GIPC2: variants seen among roughly 807,000 people sequenced by gnomAD.
GIPC2 encodes PDZ domain-containing protein GIPC2.
In GIPC2, 30 loss-of-function variants were observed where a neutral mutation model predicts 30.6. The ratio of observed to expected loss-of-function variants is 0.98; its 90% CI spans 0.73 to 1.33. GIPC2 has a LOEUF of 1.33. Among genes scored for constraint, GIPC2 ranks in the 40% most tolerant of loss-of-function variants. The pLI, the probability that GIPC2 is intolerant of heterozygous loss-of-function variation, is 0.00. For missense variants in GIPC2, 414 were observed against 390.3 expected (o/e 1.06, Z -0.51); for synonymous variants, 167 against 150.0 (o/e 1.11, Z -0.83).
intron 5 of GIPC2, among the ~76,000 whole-genome samples, chr1:78,133,145 C>G (rs1335753845): frequency 6.6e-6 from 1 of 152,082 alleles, no homozygotes; most frequent in East Asian, 1.9e-4. Flanking sequence ...CTTGCACCAC[C>G]CATTCACTAG....
chr1:78,085,448 T>C (rs1661909636), intron 2 of GIPC2, among the ~76,000 whole-genome samples: 1 of 152,144 alleles, frequency 6.6e-6, no homozygotes, highest in East Asian at 1.9e-4. Context: ...CCTCATAGAA[T>C]GAATTGGGGA....
chr1:78,045,014 G>C, upstream of GIPC2: 1 of 809,400 alleles, frequency 1.2e-6, no homozygotes, highest in Non-Finnish European at 1.5e-6. Context: ...GCAAGGAGCA[G>C]GGTGGGGACG....
chr1:78,118,169 T>A (rs913375164), intron 3 of GIPC2, among the ~76,000 whole-genome samples: 3 of 151,066 alleles, frequency 2.0e-5, no homozygotes, highest in African/African-American at 7.3e-5. Flanking sequence ...GCGATCTGCC[T>A]GCTTTGGTCT....
rs570561981 is a variant in GIPC2 at position 78,068,331 on chromosome 1, G to A, written c.241-12344G>A. On this transcript the variant is annotated intron_variant, in intron 1 of 5. Transcript: ENST00000370759. ...TTGGTCATTATGCTCAAGTTGTGGG[G>A]ACTTGTATTTTCTCCCAAGAAGCCC... 6.6e-5 allele frequency among the ~76,000 whole-genome samples: 10 copies of A among 152,274 alleles called. No homozygotes were observed. The South Asian group carries it at 2.1e-3, about 32-fold the overall frequency.
At chr1:78,082,186 C>T (rs1263041401) in intron 2 of GIPC2, among the ~76,000 whole-genome samples, 1 of 152,036 alleles carries the variant, frequency 6.6e-6, no homozygotes, top group African/African-American at 2.4e-5. Context: ...AGTAGCTTGC[C>T]CAAAGTTATA....
chr1:78,130,658 T>C (rs561402935), intron 5 of GIPC2, among the ~76,000 whole-genome samples: 2 of 152,302 alleles, frequency 1.3e-5, no homozygotes, highest in African/African-American at 4.8e-5. Flanking sequence ...TAATGATGAC[T>C]AATCTTCAAA....
intron 3 of GIPC2, among the ~76,000 whole-genome samples, chr1:78,118,232 T>A: frequency 7.2e-6 from 1 of 138,300 alleles, no homozygotes; most frequent in African/African-American, 2.8e-5. Context: ...CTGGCCTGAG[T>A]CTCCAGTTTC....
chr1:78,056,274 C>G (rs765444197), intron 1 of GIPC2, among the ~76,000 whole-genome samples: 4 of 152,022 alleles, frequency 2.6e-5, no homozygotes. Context: ...CTCAGGAGTT[C>G]TTGACCACCT....
chr1:78,135,706 G>A lies in GIPC2; in HGVS notation c.911G>A (p.Trp304Ter), dbSNP rs201509172. The A allele has an allele frequency of 9.2e-5, 148 of 1,613,590 alleles. No individual in the cohort carries two copies. Among genetic ancestry groups the A allele is most frequent in the Non-Finnish European group, 1.2e-4 (138 of 1,179,758 alleles). Residue 304 changes from tryptophan (W) to a stop codon, truncating the protein, a stop_gained, in exon 6 of 6, where the codon TGG becomes TAG. Transcript: ENST00000370759. LOFTEE classifies it high-confidence loss of function. ...AFPDEFVFDVWGVIGDAKRRG... is the reference protein window; with the variant it reads ...AFPDEFVFDV ...CCAGACGAATTTGTCTTTGATGTTTGGGGAGTCATTGGTGATGCCAAACGA... is the reference window on the plus strand; with the variant it reads ...CCAGACGAATTTGTCTTTGATGTTTAGGGAGTCATTGGTGATGCCAAACGA...
Position 78,135,697 on chromosome 1 carries a change from T to C in GIPC2, c.902T>C (p.Phe301Ser), listed in dbSNP as rs370111233. The change falls in exon 6 of 6, where the codon TTT becomes TCT. Residue 301 changes from phenylalanine (F) to serine (S), a missense_variant. Physicochemically the swap from Phe to Ser is radical, Grantham distance 155. Coordinates refer to ENST00000370759, the MANE Select transcript of GIPC2 (RefSeq NM_017655.6). ...GDFAFPDEFV[F>S]DVWGVIGDAK... ...TTTGCGTTCCCAGACGAATTTGTCT[T>C]TGATGTTTGGGGAGTCATTGGTGAT... 6.2e-7 allele frequency: 1 copy of C among 1,613,808 alleles called. No individual in the cohort carries two copies.
upstream of GIPC2, chr1:78,045,897 G>A (rs1336401698): frequency 7.4e-7 from 1 of 1,344,040 alleles, no homozygotes; most frequent in Non-Finnish European, 9.5e-7. Flanking sequence ...TCCATCCCGG[G>A]GGAGGCTGGG....
chr1:78,066,000 A>T (rs1661503505), intron 1 of GIPC2, among the ~76,000 whole-genome samples: 1 of 152,234 alleles, frequency 6.6e-6, no homozygotes, highest in East Asian at 1.9e-4. Flanking sequence ...TTTCATGATG[A>T]AGACATCAAA....
At chr1:78,051,996 C>T (rs1174350473) in intron 1 of GIPC2, among the ~76,000 whole-genome samples, 1 of 152,104 alleles carries the variant, frequency 6.6e-6, no homozygotes, top group Non-Finnish European at 1.5e-5. Context: ...TCATGGCTTC[C>T]CCTCTCACTT....
At chr1:78,127,171 G>A (rs1160837918) in intron 5 of GIPC2, among the ~76,000 whole-genome samples, 1 of 152,192 alleles carries the variant, frequency 6.6e-6, no homozygotes, top group Non-Finnish European at 1.5e-5. Flanking sequence ...ACCAGGTAGA[G>A]TATTTGAAGC....
chr1:78,048,476 G>C (rs1225364480), intron 1 of GIPC2, among the ~76,000 whole-genome samples: 3 of 151,486 alleles, frequency 2.0e-5, no homozygotes, highest in Non-Finnish European at 2.9e-5. Context: ...GCCCAGGCTG[G>C]ACTGCAGTGG....
intron 5 of GIPC2, among the ~76,000 whole-genome samples, chr1:78,126,320 T>C (rs1662781491): frequency 1.3e-5 from 2 of 152,134 alleles, no homozygotes; most frequent in Non-Finnish European, 2.9e-5. Context: ...ATTGATTGAA[T>C]TGCACCCTTT....
At chr1:78,078,143 CCGCCACTG>C (rs1292225230) in intron 1 of GIPC2, among the ~76,000 whole-genome samples, 3 of 144,264 alleles carry the variant, frequency 2.1e-5, no homozygotes, top group Non-Finnish European at 4.5e-5. Flanking sequence ...AGCCGAGATC[CCGCCACTG>C]CACTCCAGCC....
intron 3 of GIPC2, chr1:78,112,543 C>T (rs534530818): frequency 7.9e-5 from 41 of 519,008 alleles, no homozygotes; most frequent in African/African-American, 6.0e-4. Context: ...CCAGGCCAAC[C>T]AGGGCTCTCA....
chr1:78,136,027 A>T lies in GIPC2; in HGVS notation c.*284A>T, dbSNP rs950842980. ...TTTAAGGAGTATTTCTCGACAGATG[A>T]TTTTCTTCTCCATTAATACCCATGC... On this transcript the variant is annotated 3_prime_UTR_variant, in exon 6 of 6. Coordinates refer to ENST00000370759, the MANE Select transcript of GIPC2 (RefSeq NM_017655.6). 7 of 228,608 alleles carry T rather than the reference A, an allele frequency of 3.1e-5. No individual in the cohort carries two copies. Among genetic ancestry groups the T allele is most frequent in the South Asian group, 1.3e-4 (1 of 7,952 alleles). 14.2% of individuals were successfully genotyped at this position (228,608 alleles called of 1,614,324 possible). A position where few individuals can be genotyped will look rare whatever the true frequency, so the allele number is the denominator to read the frequency against.
Sources: allele counts gnomAD v4.1 joint callset (sites outside exome capture counted in the v4.1 genomes callset), GRCh38; gene constraint gnomAD v4.1.1; transcripts MANE v1.5; gene names NCBI Gene and HGNC (gene_info 2026-07-23, HGNC 2026-07-21).